LRRC36: variants seen among roughly 807,000 people sequenced by gnomAD.
LRRC36 encodes leucine rich repeat containing 36.
Under a neutral mutation model 81.1 loss-of-function variants are expected in LRRC36, and 62 were observed. The observed-to-expected ratio is 0.76, with a 90% CI of 0.62 to 0.94. The LOEUF is 0.94. Among genes scored for constraint, LRRC36 ranks in the 40% least tolerant of loss-of-function variants. LRRC36 has a pLI of 0.00. For synonymous variants in LRRC36, 334 were observed against 348.6 expected, an observed-to-expected ratio of 0.96 and a Z score of 0.47; for missense variants, 761 against 881.7, an observed-to-expected ratio of 0.86 and a Z score of 1.73.
Position 67,367,419 on chromosome 16 carries a change from C to G in LRRC36, c.1157C>G (p.Pro386Arg), listed in dbSNP as rs774632184. 6.2e-7 allele frequency: 1 copy of G among 1,613,832 alleles called. No homozygotes were observed. The highest frequency in any genetic ancestry group is 8.5e-7 in the Non-Finnish European group (1 of 1,179,778). Residue 386 changes from proline (P) to arginine (R), a missense_variant, in exon 8 of 14, where the codon CCT becomes CGT. By Grantham distance (103) the Pro-to-Arg change is moderately radical. Transcript: ENST00000329956. ...CGDLLTSLSN[P>R]DSSTGRLLKL... is the part of the protein sequence containing the mutation. ...GACTTATTAACTTCTCTGTCAAACC[C>G]TGACTCCAGCACTGGAAGGCTTTTG...
intron 4 of LRRC36, among the ~76,000 whole-genome samples, chr16:67,348,814 C>T (rs1229004753): frequency 6.6e-6 from 1 of 152,206 alleles, no homozygotes; most frequent in Non-Finnish European, 1.5e-5. Context: ...GTCTGGAATA[C>T]AGACGATGCT....
At chr16:67,378,740 A>AG in intron 12 of LRRC36, 28 bp downstream of exon 12, 1 of 1,609,712 alleles carries the variant, frequency 6.2e-7, no homozygotes, top group Non-Finnish European at 8.5e-7. Context: ...ATGATATATG[A>AG]GGCCTCTCAA....
Position 67,384,970 on chromosome 16 carries a change from C to G in LRRC36, c.2146C>G (p.Leu716Val). 2 of 1,614,238 alleles carry G rather than the reference C, an allele frequency of 1.2e-6. No individual in the cohort carries two copies. Among genetic ancestry groups the G allele is most frequent in the Non-Finnish European group, 1.7e-6 (2 of 1,180,038 alleles). The change falls in exon 14 of 14, where the codon CTG becomes GTG. Residue 716 changes from leucine (L) to valine (V), a missense_variant. By Grantham distance (32) the Leu-to-Val change is conservative. Coordinates refer to ENST00000329956, the MANE Select transcript of LRRC36 (RefSeq NM_018296.6). Reference sequence around the variant, plus strand: ...CCTGCCTCCTGAGAAGGGTCATCATCTGGGGAGATCATCGCCCTTTGGGAA... The same window carrying G: ...CCTGCCTCCTGAGAAGGGTCATCATGTGGGGAGATCATCGCCCTTTGGGAA... ...ALLPPEKGHH[L>V]GRSSPFGKST...
chr16:67,326,859 G>A lies in LRRC36; in HGVS notation c.-4G>A, dbSNP rs748905203. 1.4e-6 allele frequency: 2 copies of A among 1,434,362 alleles called. No individual in the cohort carries two copies. The highest frequency in any genetic ancestry group is 1.8e-6 in the Non-Finnish European group (2 of 1,103,840). The allele number at this position is 1,434,362 out of a possible 1,614,324, so 88.9% of individuals were successfully genotyped here. A position where few individuals can be genotyped will look rare whatever the true frequency, so the allele number is the denominator to read the frequency against. ...GGGCGGTGGCAGGTGAGCGGCGGGC[G>A]GGGATGGCGGAGCAATGGGAGCTGG... On this transcript the variant is annotated 5_prime_UTR_variant, in exon 1 of 14. Coordinates refer to ENST00000329956, the MANE Select transcript of LRRC36 (RefSeq NM_018296.6).
rs369604370 is a variant in LRRC36, at chr16:67,361,910, T to C, written c.578-1680T>C. 3.3e-5 allele frequency among the ~76,000 whole-genome samples: 5 copies of C among 152,078 alleles called. No individual in the cohort carries two copies. In the South Asian group the frequency reaches 1.0e-3, roughly 32 times the overall value. Reference sequence around the variant, plus strand: ...GAAAATGGAACACTATTTCCTTTACTTTTAAAAAATTATTTTTCTTTAACT... The same window carrying C: ...GAAAATGGAACACTATTTCCTTTACCTTTAAAAAATTATTTTTCTTTAACT... On this transcript the variant is annotated intron_variant, in intron 5 of 13. Transcript: ENST00000329956.
chr16:67,378,754 A>G, intron 12 of LRRC36, 42 bp downstream of exon 12: 1 of 1,604,382 alleles, frequency 6.2e-7, no homozygotes, highest in East Asian at 2.2e-5. Context: ...CTCTCAAGAC[A>G]ACTGTTTGTT....
intron 13 of LRRC36, among the ~76,000 whole-genome samples, chr16:67,384,161 G>A (rs970352843): frequency 3.9e-5 from 6 of 152,198 alleles, no homozygotes; most frequent in African/African-American, 1.4e-4. Flanking sequence ...TACAGGCCAG[G>A]TGCAGTGGCT....
At chr16:67,370,487 C>A (rs1352361569) in intron 8 of LRRC36, among the ~76,000 whole-genome samples, 1 of 151,886 alleles carries the variant, frequency 6.6e-6, no homozygotes, top group Non-Finnish European at 1.5e-5. Flanking sequence ...ACTAAAAATA[C>A]AAAAATTAGC....
intron 1 of LRRC36, 30 bp from the exon 2 acceptor site, chr16:67,341,927 A>C (rs1186939484): frequency 6.3e-7 from 1 of 1,589,402 alleles, no homozygotes; most frequent in Middle Eastern, 1.7e-4. Context: ...AGCAGGGATC[A>C]TAATATATCT....
intron 3 of LRRC36, 86 bp from the exon 4 acceptor site, chr16:67,347,409 C>T: frequency 6.3e-7 from 1 of 1,579,634 alleles, no homozygotes; most frequent in Non-Finnish European, 8.6e-7. Flanking sequence ...CTAATTTTTC[C>T]TCTGCGAATA....
At position 67,370,957 on chromosome 16, in the gene LRRC36, A is replaced by T. The variant is rs768093611; in HGVS notation, c.1209A>T (p.Thr403=). The part of the protein sequence containing the change: ...LLKLSSDLYA[T]THFNSDPAVL... Reference sequence around the variant, plus strand: ...TTTCCTCCACAGATCTGTATGCCACAACCCATTTCAACAGTGACCCTGCTG... The same window carrying T: ...TTTCCTCCACAGATCTGTATGCCACTACCCATTTCAACAGTGACCCTGCTG... The change falls in exon 9 of 14, where the codon ACA becomes ACT. Residue 403 remains threonine (T), a synonymous_variant. Coordinates refer to ENST00000329956, the MANE Select transcript of LRRC36 (RefSeq NM_018296.6). 1.2e-6 allele frequency: 2 copies of T among 1,613,212 alleles called. No homozygotes were observed. The highest frequency in any genetic ancestry group is 3.3e-5 in the Admixed American group (2 of 60,010).
intron 13 of LRRC36, among the ~76,000 whole-genome samples, chr16:67,384,034 G>C (rs1457459264): frequency 2.0e-5 from 3 of 152,210 alleles, no homozygotes; most frequent in Non-Finnish European, 4.4e-5. Flanking sequence ...GTCTTCTATT[G>C]ATGGACATTT....
intron 1 of LRRC36, 34 bp downstream of exon 1, chr16:67,326,966 C>A (rs773730455): frequency 6.8e-7 from 1 of 1,480,704 alleles, no homozygotes; most frequent in Non-Finnish European, 8.9e-7. Flanking sequence ...GGACTGGGAA[C>A]GTAGGGTCAG....
chr16:67,330,318 A>G (rs1209334312), intron 1 of LRRC36, among the ~76,000 whole-genome samples: 1 of 152,208 alleles, frequency 6.6e-6, no homozygotes, highest in Non-Finnish European at 1.5e-5. Flanking sequence ...GGATTGCAAA[A>G]TGGTAATTGT....
At chr16:67,369,109 C>A (rs940922133) in intron 8 of LRRC36, among the ~76,000 whole-genome samples, 2 of 152,046 alleles carry the variant, frequency 1.3e-5, no homozygotes, top group Non-Finnish European at 2.9e-5. Flanking sequence ...GAAGGTATGG[C>A]TGGAAATATA....
rs568660074 is a variant in LRRC36, at chr16:67,327,067, G to C, written c.70+135G>C. The C allele has an allele frequency of 1.0e-4, 83 of 813,442 alleles. 1 individual carries two copies. The East Asian group carries it at 2.7e-3, about 26-fold the overall frequency. The allele number at this position is 813,442 out of a possible 1,614,324, so 50.4% of individuals were successfully genotyped here. A position where few individuals can be genotyped will look rare whatever the true frequency, so the allele number is the denominator to read the frequency against. Reference sequence around the variant, plus strand: ...GAAGCGGTACCTGAGGCTGGGGGGCGGGGGGATAACTTGAGGCAGAAGGTT... The same window carrying C: ...GAAGCGGTACCTGAGGCTGGGGGGCCGGGGGATAACTTGAGGCAGAAGGTT... On this transcript the variant is annotated intron_variant, in intron 1 of 13. Coordinates refer to ENST00000329956, the MANE Select transcript of LRRC36 (RefSeq NM_018296.6).
intron 1 of LRRC36, among the ~76,000 whole-genome samples, chr16:67,329,874 C>T (rs533624565): frequency 1.9e-4 from 29 of 152,144 alleles, no homozygotes; most frequent in African/African-American, 4.3e-4. Flanking sequence ...GCTGAGATCG[C>T]GTCACTGCAC....
At chr16:67,344,988 C>CT (rs1471765463) in intron 2 of LRRC36, among the ~76,000 whole-genome samples, 3 of 148,784 alleles carry the variant, frequency 2.0e-5, no homozygotes, top group African/African-American at 7.8e-5. Flanking sequence ...AGCATTTTTA[C>CT]TATTTTTTTT....
intron 1 of LRRC36, among the ~76,000 whole-genome samples, chr16:67,330,117 C>T (rs74404015): frequency 0.032 from 4,823 of 151,876 alleles, 228 homozygotes; most frequent in African/African-American, 0.096. Context: ...AACATTTTCC[C>T]GTGTTCCCTG....
Sources: allele counts gnomAD v4.1 joint callset (sites outside exome capture counted in the v4.1 genomes callset), GRCh38; gene constraint gnomAD v4.1.1; transcripts MANE v1.5; gene names NCBI Gene and HGNC (gene_info 2026-07-23, HGNC 2026-07-21).